The following PCDHAC2 variants were observed in gnomAD, a reference collection of about 807,000 sequenced individuals.
PCDHAC2 encodes protocadherin alpha-C2.
PCDHAC2 carries 24 observed loss-of-function variants against 63.3 expected under a neutral mutation model. That is an observed-to-expected ratio of 0.38 (90% CI 0.27 to 0.53). The LOEUF (loss-of-function observed/expected upper bound fraction) is 0.53. PCDHAC2 is among the 20% of genes least tolerant of loss of function. The probability of loss-of-function intolerance (pLI) is 0.81; values close to 1 mark genes in which losing one functional copy is unlikely to be tolerated. For missense variants in PCDHAC2, 1,181 were observed against 1,275.2 expected, an observed-to-expected ratio of 0.93 and a Z score of 1.12; for synonymous variants, 569 against 529.4, an observed-to-expected ratio of 1.07 and a Z score of -1.03.
At chr5:140,980,196 A>T (rs1404667828) in intron 2 of PCDHAC2, among the ~76,000 whole-genome samples, 1 of 152,214 alleles carries the variant, frequency 6.6e-6, no homozygotes, top group Non-Finnish European at 1.5e-5. Flanking sequence ...TTTATTAGAG[A>T]CCAACTTGTG....
In PCDHAC2 at chr5:141,011,714, C is replaced by G. The variant is rs2098421596; in HGVS notation, c.*1777C>G. On this transcript the variant is annotated 3_prime_UTR_variant, in exon 4 of 4. Transcript: ENST00000289269. ...TTTTGGAATGAATACTGACAATATT[C>G]CATGAGGGTGTGCAAGCACAAATTT... 1 of 153,650 alleles carries G rather than the reference C, an allele frequency of 6.5e-6. No individual in the cohort carries two copies. Among genetic ancestry groups the G allele is most frequent in the South Asian group, 2.1e-4 (1 of 4,822 alleles). 9.5% of individuals were successfully genotyped at this position (153,650 alleles called of 1,614,324 possible).
Position 140,968,652 on chromosome 5 carries a change from A to G in PCDHAC2, c.1886A>G (p.Asp629Gly). The G allele has an allele frequency of 6.2e-7, 1 of 1,614,118 alleles. No individual in the cohort carries two copies. Among genetic ancestry groups the G allele is most frequent in the Non-Finnish European group, 8.5e-7 (1 of 1,180,014 alleles). ...TTTTACCATCTAGCCCAGACTTCTG[A>G]CCTGGACCTCTTTAAGGTAGAGCTG... ...WLFYHLAQTSDLDLFKVELHT... is the reference protein window; with the variant it reads ...WLFYHLAQTSGLDLFKVELHT... The change falls in exon 1 of 4, where the codon GAC (aspartate) becomes GGC (glycine). Residue 629 changes from aspartate to glycine, a missense_variant. Asp to Gly is a moderately conservative substitution (Grantham distance 94). Transcript: ENST00000289269.
chr5:140,993,631 G>C (rs1466996708), intron 3 of PCDHAC2, among the ~76,000 whole-genome samples: 1 of 152,046 alleles, frequency 6.6e-6, no homozygotes, highest in African/African-American at 2.4e-5. Context: ...ATATATAGTC[G>C]TGTACCAAAT....
At chr5:140,992,950 C>T (rs1435932636) in intron 3 of PCDHAC2, among the ~76,000 whole-genome samples, 1 of 152,216 alleles carries the variant, frequency 6.6e-6, no homozygotes, top group East Asian at 1.9e-4. Context: ...GAGATTAAAT[C>T]ACCCCTTATA....
At position 140,967,210 on chromosome 5, in the gene PCDHAC2, C is replaced by T. The variant is rs146322183; in HGVS notation, c.444C>T (p.Phe148=). ...ILDINDNSPR[F]PRPNYQLQVS... The stretch of plus-strand genomic sequence containing the variant: ...ACATCAACGACAACTCACCGCGTTT[C>T]CCGCGGCCCAACTACCAGCTTCAGG... The change falls in exon 1 of 4, where the codon TTC becomes TTT. Residue 148 remains phenylalanine (F), a synonymous_variant. Transcript: ENST00000289269. 231 of 1,613,674 alleles carry T rather than the reference C, an allele frequency of 1.4e-4. No homozygotes were observed. Among genetic ancestry groups the T allele is most frequent in the Admixed American group, 5.0e-4 (30 of 60,034 alleles).
At position 140,978,454 on chromosome 5, in the gene PCDHAC2, C is replaced by T. The variant is rs980177257; in HGVS notation, c.2566-495C>T. Among the ~76,000 whole-genome samples, 5 of 152,314 alleles carry T rather than the reference C, an allele frequency of 3.3e-5. No individual in the cohort carries two copies. The South Asian group carries it at 8.3e-4, about 25-fold the overall frequency. ...TGCTGGTGTTATGACTGGGCACATC[C>T]GCCCTGGGTCAAATATGCTGCAGTC... On this transcript the variant is annotated intron_variant, in intron 1 of 3. Coordinates refer to ENST00000289269, the MANE Select transcript of PCDHAC2 (RefSeq NM_018899.6).
Position 140,988,326 on chromosome 5 carries a change from G to A in PCDHAC2, c.2713+5763G>A, listed in dbSNP as rs144904425. 8.4e-3 allele frequency among the ~76,000 whole-genome samples: 1,281 copies of A among 152,296 alleles called. 12 individuals carry two copies. The highest frequency in any genetic ancestry group is 0.014 in the Non-Finnish European group (960 of 68,020). ...CAGCTTGGCTTGGCTTTCTCTACCC[G>A]AGGAAAGTAAGTCCTTTTAAGATGC... On this transcript the variant is annotated intron_variant, in intron 3 of 3. Coordinates refer to ENST00000289269, the MANE Select transcript of PCDHAC2 (RefSeq NM_018899.6).
chr5:141,009,449 A>T, intron 3 of PCDHAC2, among the ~76,000 whole-genome samples, 178 bp from the exon 4 acceptor site: 1 of 152,184 alleles, frequency 6.6e-6, no homozygotes, highest in Non-Finnish European at 1.5e-5. Context: ...GTCTCAAAAA[A>T]ATTAAACAAA....
intron 1 of PCDHAC2, among the ~76,000 whole-genome samples, chr5:140,972,811 G>A (rs1458279738): frequency 2.6e-5 from 4 of 151,876 alleles, no homozygotes; most frequent in African/African-American, 4.8e-5. Flanking sequence ...TTACAGGCAC[G>A]CGCCACCACG....
chr5:140,969,642 A>G (rs2096350693), intron 1 of PCDHAC2: 1 of 206,874 alleles, frequency 4.8e-6, no homozygotes, highest in African/African-American at 2.4e-5. Context: ...GCCTTGGAAT[A>G]GGGATTATGT....
At chr5:140,979,054 A>G (rs782082075) in intron 2 of PCDHAC2, 47 bp downstream of exon 2, 6 of 1,607,592 alleles carry the variant, frequency 3.7e-6, no homozygotes, top group Non-Finnish European at 4.3e-6. Flanking sequence ...TTAACTTGGT[A>G]TGGCTCAGAT....
intron 1 of PCDHAC2, among the ~76,000 whole-genome samples, chr5:140,975,246 G>T (rs1304794782): frequency 6.6e-6 from 1 of 152,136 alleles, no homozygotes; most frequent in Non-Finnish European, 1.5e-5. Context: ...TCCCTCTTAT[G>T]CTTCAGATCT....
chr5:141,010,535 C>G lies in PCDHAC2; in HGVS notation c.*598C>G, dbSNP rs1423355739. 1 of 386,620 alleles carries G rather than the reference C, an allele frequency of 2.6e-6. No homozygotes were observed. Among genetic ancestry groups the G allele is most frequent in the African/African-American group, 2.0e-5 (1 of 48,880 alleles). 23.9% of individuals were successfully genotyped at this position (386,620 alleles called of 1,614,324 possible). On this transcript the variant is annotated 3_prime_UTR_variant, in exon 4 of 4. Coordinates refer to ENST00000289269, the MANE Select transcript of PCDHAC2 (RefSeq NM_018899.6). ...CAACTCAAGAGGTGGCAGCCACCCT[C>G]TAGGAGACAAAACTACCCCCACTGA...
intron 1 of PCDHAC2, among the ~76,000 whole-genome samples, chr5:140,977,965 C>T (rs782117847): frequency 3.3e-5 from 5 of 152,150 alleles, no homozygotes; most frequent in Non-Finnish European, 5.9e-5. Context: ...CCTCAATCTC[C>T]GCCCATGAAA....
At chr5:140,977,836 T>C (rs1300356505) in intron 1 of PCDHAC2, among the ~76,000 whole-genome samples, 1 of 152,236 alleles carries the variant, frequency 6.6e-6, no homozygotes, top group African/African-American at 2.4e-5. Flanking sequence ...TCTATTGATA[T>C]TACTATGGCT....
In PCDHAC2 at chr5:141,010,640, G is replaced by A. The variant is rs2098417874; in HGVS notation, c.*703G>A. The A allele has an allele frequency of 5.6e-6, 1 of 179,322 alleles. No homozygotes were observed. Among genetic ancestry groups the A allele is most frequent in the South Asian group, 1.4e-4 (1 of 7,048 alleles). 11.1% of individuals were successfully genotyped at this position (179,322 alleles called of 1,614,324 possible). A position where few individuals can be genotyped will look rare whatever the true frequency, so the allele number is the denominator to read the frequency against. On this transcript the variant is annotated 3_prime_UTR_variant, in exon 4 of 4. Transcript: ENST00000289269. ...TCTGCATCATACCTGCAAGCCAACA[G>A]TTCAGTGTTTTAACAGAGAACCACC...
At position 141,010,234 on chromosome 5, in the gene PCDHAC2, T is replaced by C. The variant is rs1455330920; in HGVS notation, c.*297T>C. 1 of 1,551,824 alleles carries C rather than the reference T, an allele frequency of 6.4e-7. No individual in the cohort carries two copies. Among genetic ancestry groups the C allele is most frequent in the Non-Finnish European group, 8.7e-7 (1 of 1,147,042 alleles). On this transcript the variant is annotated 3_prime_UTR_variant, in exon 4 of 4. Transcript: ENST00000289269. ...AGGAGAGGCTTCCCAGCCCCGCCAG[T>C]GAGAGGTTGGACTCTCTGCCCTGTG...
chr5:140,990,808 C>G (rs537926285), intron 3 of PCDHAC2, among the ~76,000 whole-genome samples: 18 of 152,212 alleles, frequency 1.2e-4, no homozygotes, highest in Non-Finnish European at 2.4e-4. Context: ...ACAGAAGAAG[C>G]TCCCTTCTCT....
chr5:141,010,006 T>C lies in PCDHAC2; in HGVS notation c.*69T>C. The stretch of plus-strand genomic sequence containing the variant: ...ATGGCAAATCTCTCCCATGTAGCAA[T>C]TCCCTGCTCCTTTTTCCTATCTACA... On this transcript the variant is annotated 3_prime_UTR_variant, in exon 4 of 4. Transcript: ENST00000289269. 1 of 1,572,424 alleles carries C rather than the reference T, an allele frequency of 6.4e-7. No individual in the cohort carries two copies. Among genetic ancestry groups the C allele is most frequent in the Non-Finnish European group, 8.6e-7 (1 of 1,163,442 alleles).
Sources: allele counts gnomAD v4.1 joint callset (sites outside exome capture counted in the v4.1 genomes callset), GRCh38; gene constraint gnomAD v4.1.1; transcripts MANE v1.5; gene names NCBI Gene and HGNC (gene_info 2026-07-23, HGNC 2026-07-21).